The following PAK1 variants were observed in gnomAD, a reference collection of about 807,000 sequenced individuals.
The protein encoded by PAK1 is serine/threonine-protein kinase PAK 1.
A neutral mutation model predicts 67.4 loss-of-function variants in PAK1; 29 were observed. The observed-to-expected ratio is 0.43, with a 90% CI of 0.32 to 0.59. The LOEUF is 0.59. PAK1 is among the 20% of genes least tolerant of loss of function. The probability of loss-of-function intolerance (pLI) is 0.07; values close to 1 mark genes in which losing one functional copy is unlikely to be tolerated. For synonymous variants in PAK1, 223 were observed against 237.4 expected (o/e 0.94, Z 0.56); for missense variants, 337 against 670.7 (o/e 0.50, Z 5.50).
intron 1 of PAK1, among the ~76,000 whole-genome samples, chr11:77,429,884 G>C (rs1955780110): frequency 6.6e-6 from 1 of 152,190 alleles, no homozygotes; most frequent in Non-Finnish European, 1.5e-5. Flanking sequence ...ATCTTATTAT[G>C]TAGGAAATAA....
intron 1 of PAK1, among the ~76,000 whole-genome samples, chr11:77,425,149 C>T (rs1465703365): frequency 6.6e-6 from 1 of 151,928 alleles, no homozygotes; most frequent in Non-Finnish European, 1.5e-5. Context: ...TAAATAAGTC[C>T]TTTATAAACT....
chr11:77,447,383 G>C (rs1342996021), intron 1 of PAK1, among the ~76,000 whole-genome samples: 1 of 152,192 alleles, frequency 6.6e-6, no homozygotes, highest in Admixed American at 6.5e-5. Flanking sequence ...GGAGGCGAAA[G>C]ATTTCATAAG....
chr11:77,392,668 A>G, intron 1 of PAK1, 127 bp from the exon 2 acceptor site: 1 of 591,020 alleles, frequency 1.7e-6, no homozygotes, highest in Non-Finnish European at 2.9e-6. Context: ...AAGTCCTTCC[A>G]CTGCACACCA....
At chr11:77,516,298 G>C in the PAK1 span, among the ~76,000 whole-genome samples, 1 of 152,122 alleles carries the variant, frequency 6.6e-6, no homozygotes, top group Non-Finnish European at 1.5e-5. Flanking sequence ...GCTATACAAT[G>C]TCGTGACTAA....
chr11:77,525,203 G>T, the PAK1 span, among the ~76,000 whole-genome samples: 3 of 149,708 alleles, frequency 2.0e-5, no homozygotes, highest in African/African-American at 7.4e-5. Flanking sequence ...AAAAAAAATT[G>T]CTGGGTGTGG....
At chr11:77,381,098 G>T (rs1055735972) in intron 2 of PAK1, among the ~76,000 whole-genome samples, 2 of 151,476 alleles carry the variant, frequency 1.3e-5, no homozygotes, top group Non-Finnish European at 2.9e-5. Flanking sequence ...AAACAAAAAG[G>T]TCTAGAGTTC....
At chr11:77,430,872 C>G (rs1412674667) in intron 1 of PAK1, among the ~76,000 whole-genome samples, 1 of 152,144 alleles carries the variant, frequency 6.6e-6, no homozygotes, top group African/African-American at 2.4e-5. Flanking sequence ...AGTACCATGG[C>G]CTGTTAGGAA....
the PAK1 span, among the ~76,000 whole-genome samples, chr11:77,485,350 G>A: frequency 6.6e-6 from 1 of 152,118 alleles, no homozygotes; most frequent in African/African-American, 2.4e-5. Context: ...AAGGACGAAT[G>A]CTTAAGGTGA....
intron 5 of PAK1, among the ~76,000 whole-genome samples, chr11:77,366,364 A>G (rs1409639600): frequency 1.3e-5 from 2 of 152,254 alleles, no homozygotes; most frequent in Non-Finnish European, 2.9e-5. Context: ...TTTAAAAAAC[A>G]TAATTGTATA....
At position 77,322,991 on chromosome 11, in the gene PAK1, A is replaced by G. The variant is rs892529966; in HGVS notation, c.*283T>C. 1.6e-6 allele frequency: 1 copy of G among 616,132 alleles called. No individual in the cohort carries two copies. Among genetic ancestry groups the G allele is most frequent in the African/African-American group, 1.8e-5 (1 of 54,360 alleles). The allele number at this position is 616,132 out of a possible 1,614,324, so 38.2% of individuals were successfully genotyped here. ...TGAGGATTTTGACACACGGAAGACT[A>G]GAAACATTTATTTATATAAACCCTT... On this transcript the variant is annotated 3_prime_UTR_variant, in exon 15 of 15. Transcript: ENST00000356341.
At chr11:77,407,043 TA>T (rs1030277188) in intron 1 of PAK1, among the ~76,000 whole-genome samples, 11 of 152,140 alleles carry the variant, frequency 7.2e-5, no homozygotes, top group South Asian at 2.1e-4. Context: ...TAATTATTAT[TA>T]TTTTTTTATA....
intron 2 of PAK1, among the ~76,000 whole-genome samples, chr11:77,391,615 A>T (rs530131752): frequency 6.6e-6 from 1 of 152,226 alleles, no homozygotes; most frequent in Non-Finnish European, 1.5e-5. Flanking sequence ...GGTACCAAAC[A>T]AAAGTCATCT....
At chr11:77,406,876 G>A (rs982349957) in intron 1 of PAK1, among the ~76,000 whole-genome samples, 1 of 152,152 alleles carries the variant, frequency 6.6e-6, no homozygotes, top group African/African-American at 2.4e-5. Flanking sequence ...GGGAAAGGCA[G>A]ATACATTAAC....
At chr11:77,478,941 T>C (rs1421557206), upstream of PAK1, among the ~76,000 whole-genome samples, 19 of 128,172 alleles carry the variant, frequency 1.5e-4, no homozygotes, top group East Asian at 2.4e-4. Context: ...AAAAATTAGC[T>C]GGGCGTGGTG....
At chr11:77,408,567 A>ACACACT (rs1954005173) in intron 1 of PAK1, among the ~76,000 whole-genome samples, 1 of 151,110 alleles carries the variant, frequency 6.6e-6, no homozygotes, top group South Asian at 2.1e-4. Flanking sequence ...ACACACACAC[A>ACACACT]CACTCCACAT....
chr11:77,417,477 G>C (rs549271829), intron 1 of PAK1, among the ~76,000 whole-genome samples: 1 of 152,336 alleles, frequency 6.6e-6, no homozygotes, highest in South Asian at 2.1e-4. Flanking sequence ...GTTGGGGTTA[G>C]TGGTTAAGGA....
the PAK1 span, among the ~76,000 whole-genome samples, chr11:77,504,299 T>C: frequency 6.7e-6 from 1 of 148,978 alleles, no homozygotes; most frequent in South Asian, 2.1e-4. Context: ...AAAAAAAAAA[T>C]AGTGAAAGGA....
Position 77,394,689 on chromosome 11 carries a change from C to T in PAK1, c.-21-2148G>A, listed in dbSNP as rs141592477. On this transcript the variant is annotated intron_variant, in intron 1 of 14. Transcript: ENST00000356341. The stretch of plus-strand genomic sequence containing the variant: ...GTGAAACCCCATCTCTACTAAAATG[C>T]AAAAAATTAGCTGGGCATGGTGGCG... 1.5e-3 allele frequency among the ~76,000 whole-genome samples: 235 copies of T among 151,638 alleles called. 4 individuals carry two copies. The Middle Eastern group carries it at 0.024, about 15-fold the overall frequency.
chr11:77,351,648 A>G (rs1006366410), intron 8 of PAK1, among the ~76,000 whole-genome samples: 10 of 151,758 alleles, frequency 6.6e-5, no homozygotes, highest in African/African-American at 2.2e-4. Context: ...GGATTAAACA[A>G]TAAATGCAAA....
Sources: gnomAD v4.1 joint callset for allele counts (sites outside exome capture counted in the v4.1 genomes callset) on GRCh38, gnomAD v4.1.1 for gene constraint, MANE v1.5 for transcripts, NCBI Gene and HGNC (gene_info 2026-07-23, HGNC 2026-07-21) for gene names.